The following CPSF4L variants were observed in gnomAD, a reference collection of about 807,000 sequenced individuals.
The protein encoded by CPSF4L is putative cleavage and polyadenylation specificity factor subunit 4-like protein.
Under a neutral mutation model 24.0 loss-of-function variants are expected in CPSF4L, and 18 were observed. The observed-to-expected ratio is 0.75, with a 90% CI of 0.52 to 1.11. The LOEUF (loss-of-function observed/expected upper bound fraction) is 1.11. CPSF4L is among the 50% of genes least tolerant of loss of function. The pLI, the probability that CPSF4L is intolerant of heterozygous loss-of-function variation, is 0.00. For missense variants in CPSF4L, 211 were observed against 221.8 expected (o/e 0.95, Z 0.31); for synonymous variants, 72 against 77.2 (o/e 0.93, Z 0.35).
At chr17:73,253,809 A>C (rs1446451139) in intron 4 of CPSF4L, 122 bp downstream of exon 4, 2 of 607,716 alleles carry the variant, frequency 3.3e-6, no homozygotes, top group Non-Finnish European at 2.9e-6. Context: ...GAACTACAGA[A>C]AGGCCTTCTA....
intron 2 of CPSF4L, among the ~76,000 whole-genome samples, chr17:73,260,033 G>T (rs999165615): frequency 7.2e-5 from 11 of 152,206 alleles, no homozygotes; most frequent in Non-Finnish European, 4.4e-5. Flanking sequence ...CAGAATGGCT[G>T]CATTTGGGGA....
chr17:73,257,747 G>T lies in CPSF4L; in HGVS notation c.241C>A (p.His81Asn). 1 of 1,551,694 alleles carries T rather than the reference G, an allele frequency of 6.4e-7. No homozygotes were observed. The highest frequency in any genetic ancestry group is 1.4e-5 in the African/African-American group (1 of 73,112). ...TCATACTGGTGCAGGAACTTGCAGT[G>T]ATCACCCTTCTTGCAGAGCCCCCGG... ...WLRGLCKKGD[H>N]CKFLHQYDLT... is the part of the protein sequence containing the mutation. Residue 81 changes from histidine to asparagine, a missense_variant, in exon 3 of 6, where the codon CAC becomes AAC. Coordinates refer to ENST00000344935, the MANE Select transcript of CPSF4L (RefSeq NM_001129885.1).
downstream of CPSF4L, chr17:73,245,629 C>T (rs143659039): frequency 1.4e-3 from 1,384 of 985,296 alleles, 21 homozygotes; most frequent in African/African-American, 0.022. Context: ...AAAATAAGCC[C>T]ACATCAGGCC....
upstream of CPSF4L, chr17:73,262,031 C>A (rs2062049015): frequency 5.2e-6 from 3 of 576,784 alleles, no homozygotes; most frequent in South Asian, 4.1e-5. Context: ...CAGGGGCAGA[C>A]ACCCCAGGGC....
chr17:73,252,660 C>G lies in CPSF4L; in HGVS notation c.467G>C (p.Cys156Ser), dbSNP rs1012766431. The G allele has an allele frequency of 1.9e-6, 3 of 1,551,418 alleles. No homozygotes were observed. Among genetic ancestry groups the G allele is most frequent in the Non-Finnish European group, 2.6e-6 (3 of 1,146,830 alleles). Residue 156 changes from cysteine (C) to serine (S), a missense_variant, in exon 5 of 6, where the codon TGC becomes TCC. Physicochemically the swap from Cys to Ser is moderately radical, Grantham distance 112. Transcript: ENST00000344935. ...AAATTGGCACTTGGGTCCCTCGGGG[C>G]AGAAGCCAACTAAATAGTTGAGACA... ...IMCLNYLVGFCPEGPKCQFAQ... is the reference protein window; with the variant it reads ...IMCLNYLVGFSPEGPKCQFAQ...
At chr17:73,242,978 T>G in the CPSF4L span, 1 of 1,613,816 alleles carries the variant, frequency 6.2e-7, no homozygotes, top group African/African-American at 1.3e-5. Flanking sequence ...TCGTCCTGTG[T>G]TGTAGCTGGA....
intron 5 of CPSF4L, chr17:73,250,952 C>T (rs1035628661): frequency 7.3e-6 from 11 of 1,506,150 alleles, no homozygotes; most frequent in Non-Finnish European, 8.9e-6. Flanking sequence ...CTAGCCCAGC[C>T]CTGTGGGTTC....
At chr17:73,251,730 C>A (rs1330149954) in intron 5 of CPSF4L, among the ~76,000 whole-genome samples, 1 of 152,218 alleles carries the variant, frequency 6.6e-6, no homozygotes, top group Non-Finnish European at 1.5e-5. Context: ...CTCGCCTGTA[C>A]AAAGACAGGC....
rs1479551811 is a variant in CPSF4L, at chr17:73,261,062, A to T, written c.104-79T>A. ...TCCGGAAGCCTCCACCTCCATCGGC[A>T]TGTCCCACCTAGACCTCCCCCAGGC... On this transcript the variant is annotated intron_variant, in intron 1 of 5. Coordinates refer to ENST00000344935, the MANE Select transcript of CPSF4L (RefSeq NM_001129885.1). 5.9e-6 allele frequency: 7 copies of T among 1,190,358 alleles called. 1 individual carries two copies. The Admixed American group carries it at 1.4e-4, about 24-fold the overall frequency. 73.7% of individuals were successfully genotyped at this position (1,190,358 alleles called of 1,614,324 possible).
downstream of CPSF4L, chr17:73,247,888 C>G (rs2061974013): frequency 6.4e-6 from 1 of 155,198 alleles, no homozygotes; most frequent in Non-Finnish European, 1.4e-5. Context: ...TAAATGTCTA[C>G]AGAGTAATGG....
intron 1 of CPSF4L, among the ~76,000 whole-genome samples, 163 bp downstream of exon 1, chr17:73,261,553 C>T (rs2062046131): frequency 2.6e-5 from 4 of 152,252 alleles, no homozygotes; most frequent in East Asian, 1.9e-4. Context: ...CCCAGCTCCT[C>T]GGGAGGCTGA....
chr17:73,250,665 G>T (rs544421576), intron 5 of CPSF4L, among the ~76,000 whole-genome samples: 16 of 152,232 alleles, frequency 1.1e-4, no homozygotes, highest in African/African-American at 3.9e-4. Flanking sequence ...CCAGAAAAAG[G>T]AACCAGGTGA....
intron 1 of CPSF4L, 128 bp downstream of exon 1, chr17:73,261,588 G>C (rs2062046377): frequency 7.3e-6 from 5 of 680,644 alleles, no homozygotes; most frequent in Non-Finnish European, 1.3e-5. Context: ...GTGAACCCAG[G>C]AGGCAGAGCT....
chr17:73,245,202 A>C (rs1190078708), downstream of CPSF4L: 1 of 1,613,622 alleles, frequency 6.2e-7, no homozygotes, highest in Non-Finnish European at 8.5e-7. Context: ...GTTGACCTGG[A>C]CATCACTTAA....
At chr17:73,248,785 T>G in intron 5 of CPSF4L, 1 of 438,832 alleles carries the variant, frequency 2.3e-6, no homozygotes, top group Non-Finnish European at 4.1e-6. Context: ...CTGAATAATA[T>G]CTGAAAGACT....
the CPSF4L span, among the ~76,000 whole-genome samples, chr17:73,242,646 CAA>C: frequency 6.6e-6 from 1 of 152,182 alleles, no homozygotes; most frequent in Admixed American, 6.5e-5. Flanking sequence ...CTCTAAACCT[CAA>C]GTTAACCAGT....
At chr17:73,255,668 G>A (rs2062022423) in intron 3 of CPSF4L, among the ~76,000 whole-genome samples, 1 of 152,128 alleles carries the variant, frequency 6.6e-6, no homozygotes, top group Non-Finnish European at 1.5e-5. Flanking sequence ...TTCATGAAGG[G>A]TTCATTTGTT....
chr17:73,262,194 A>G (rs1478882179), upstream of CPSF4L: 1 of 187,672 alleles, frequency 5.3e-6, no homozygotes, highest in African/African-American at 2.3e-5. Flanking sequence ...CCATGAAGAC[A>G]CAGCCACAGG....
At chr17:73,259,412 C>G (rs1015983753) in intron 2 of CPSF4L, among the ~76,000 whole-genome samples, 1 of 151,962 alleles carries the variant, frequency 6.6e-6, no homozygotes, top group Non-Finnish European at 1.5e-5. Flanking sequence ...CCAGGCTGGT[C>G]TTGAGCGATT....
Sources: gnomAD v4.1 joint callset for allele counts (sites outside exome capture counted in the v4.1 genomes callset) on GRCh38, gnomAD v4.1.1 for gene constraint, MANE v1.5 for transcripts, NCBI Gene and HGNC (gene_info 2026-07-23, HGNC 2026-07-21) for gene names.